The following GPC5 variants were observed in gnomAD, a reference collection of about 807,000 sequenced individuals.
GPC5 encodes glypican 5.
A neutral mutation model predicts 53.9 loss-of-function variants in GPC5; 47 were observed. That is an observed-to-expected ratio of 0.87 (90% CI 0.69 to 1.11). GPC5 has a LOEUF of 1.11. Ranked by LOEUF, GPC5 falls within the 50% of genes most tolerant of loss-of-function variation. The pLI is 0.00. For synonymous variants in GPC5, 286 were observed against 263.3 expected, an observed-to-expected ratio of 1.09 and a Z score of -0.84; for missense variants, 748 against 713.1, an observed-to-expected ratio of 1.05 and a Z score of -0.56.
chr13:91,708,401 G>A (rs1036510500), intron 3 of GPC5, among the ~76,000 whole-genome samples: 3 of 148,058 alleles, frequency 2.0e-5, no homozygotes, highest in Non-Finnish European at 3.0e-5. Context: ...ACTTTAACAC[G>A]GTTTGTGAAA....
At position 92,818,305 on chromosome 13, in the gene GPC5, T is replaced by C. The variant is rs949730837; in HGVS notation, c.1562-47977T>C. Among the ~76,000 whole-genome samples, 4 of 152,060 alleles carry C rather than the reference T, an allele frequency of 2.6e-5. 1 individual carries two copies. Among genetic ancestry groups the C allele is most frequent in the African/African-American group, 9.7e-5 (4 of 41,324 alleles). On this transcript the variant is annotated intron_variant, in intron 7 of 7. Transcript: ENST00000377067. Reference sequence around the variant, plus strand: ...CATTACAGGCGTGAGCCACCGCAACTGGCCCACATTTTGAAATTTATTCAA... The same window carrying C: ...CATTACAGGCGTGAGCCACCGCAACCGGCCCACATTTTGAAATTTATTCAA...
chr13:91,510,181 G>A (rs1176440043), intron 2 of GPC5, among the ~76,000 whole-genome samples: 2 of 151,912 alleles, frequency 1.3e-5, no homozygotes, highest in African/African-American at 2.4e-5. Flanking sequence ...TATTTCCATT[G>A]TTTAATTATA....
At chr13:92,007,407 A>C (rs2040616975) in intron 6 of GPC5, among the ~76,000 whole-genome samples, 1 of 152,178 alleles carries the variant, frequency 6.6e-6, no homozygotes, top group Non-Finnish European at 1.5e-5. Flanking sequence ...TTCTGATATT[A>C]GGTTCATACA....
At chr13:92,210,728 T>A (rs1024832585) in intron 7 of GPC5, among the ~76,000 whole-genome samples, 5 of 152,314 alleles carry the variant, frequency 3.3e-5, no homozygotes, top group African/African-American at 4.8e-5. Flanking sequence ...ACTATGTATA[T>A]GTAAGGGAAT....
chr13:92,396,394 T>C (rs978967771), intron 7 of GPC5, among the ~76,000 whole-genome samples: 2 of 152,220 alleles, frequency 1.3e-5, no homozygotes, highest in Non-Finnish European at 2.9e-5. Flanking sequence ...GTTTGCTTTT[T>C]TCATTAGTGC....
intron 4 of GPC5, among the ~76,000 whole-genome samples, chr13:91,732,301 T>G (rs940457338): frequency 1.3e-5 from 2 of 152,230 alleles, no homozygotes; most frequent in African/African-American, 4.8e-5. Context: ...TGAGGTTTTT[T>G]TCATATGTTT....
chr13:92,728,439 T>G (rs1157458724), intron 7 of GPC5, among the ~76,000 whole-genome samples: 5 of 151,434 alleles, frequency 3.3e-5, no homozygotes, highest in African/African-American at 1.2e-4. Context: ...AGCCAATACA[T>G]TATTTCCAAG....
At position 92,163,576 on chromosome 13, in the gene GPC5, A is replaced by G. The variant is rs534891021; in HGVS notation, c.1561+18587A>G. ...CCCCAACATGCAGAATATGGAGGCTATTATATAATTATTTGGGTTGATTCT... is the reference window on the plus strand; with the variant it reads ...CCCCAACATGCAGAATATGGAGGCTGTTATATAATTATTTGGGTTGATTCT... On this transcript the variant is annotated intron_variant, in intron 7 of 7. Coordinates refer to ENST00000377067, the MANE Select transcript of GPC5 (RefSeq NM_004466.6). Among the ~76,000 whole-genome samples, 4 of 152,132 alleles carry G rather than the reference A, an allele frequency of 2.6e-5. No individual in the cohort carries two copies. The South Asian group carries it at 8.3e-4, about 32-fold the overall frequency.
intron 7 of GPC5, among the ~76,000 whole-genome samples, chr13:92,637,515 G>T (rs1359792172): frequency 6.6e-6 from 1 of 152,144 alleles, no homozygotes; most frequent in Admixed American, 6.6e-5. Flanking sequence ...AAAAAACCTT[G>T]AATCAGTTAG....
chr13:92,124,853 G>T (rs915195248), intron 6 of GPC5, among the ~76,000 whole-genome samples: 3 of 152,136 alleles, frequency 2.0e-5, no homozygotes, highest in Non-Finnish European at 2.9e-5. Context: ...TGGTGGGATG[G>T]GTGGCTTCTG....
rs150115996 is a variant in GPC5 at position 91,446,250 on chromosome 13, T to A, written c.164-2511T>A. ...TTGAAAATATACAGGCATGTAGATA[T>A]CTGTAAATTTCTTATGCTAGAGAAT... On this transcript the variant is annotated intron_variant, in intron 1 of 7. Coordinates refer to ENST00000377067, the MANE Select transcript of GPC5 (RefSeq NM_004466.6). 2.0e-5 allele frequency among the ~76,000 whole-genome samples: 3 copies of A among 152,278 alleles called. No individual in the cohort carries two copies. The East Asian group carries it at 5.8e-4, about 29-fold the overall frequency.
intron 1 of GPC5, among the ~76,000 whole-genome samples, chr13:91,436,991 C>A (rs922547094): frequency 6.6e-5 from 10 of 152,124 alleles, no homozygotes; most frequent in Non-Finnish European, 1.2e-4. Context: ...TCTGTTTTAT[C>A]AGAGACTGGA....
At chr13:92,125,147 C>G (rs187546500) in intron 6 of GPC5, among the ~76,000 whole-genome samples, 10 of 152,088 alleles carry the variant, frequency 6.6e-5, no homozygotes, top group Non-Finnish European at 7.4e-5. Context: ...AAGGAACCAA[C>G]GGAGTCTATA....
intron 7 of GPC5, among the ~76,000 whole-genome samples, chr13:92,546,347 A>G (rs1315911656): frequency 1.3e-5 from 2 of 152,184 alleles, no homozygotes; most frequent in Non-Finnish European, 2.9e-5. Context: ...ATGTGCAAAA[A>G]TCACAAACAT....
chr13:91,944,791 T>G (rs539035922), intron 6 of GPC5, among the ~76,000 whole-genome samples: 6 of 152,328 alleles, frequency 3.9e-5, no homozygotes, highest in African/African-American at 1.4e-4. Flanking sequence ...CCTGCAATTA[T>G]GGGCGCTTAT....
At chr13:92,674,668 G>A (rs1245855894) in intron 7 of GPC5, among the ~76,000 whole-genome samples, 2 of 151,778 alleles carry the variant, frequency 1.3e-5, no homozygotes, top group Non-Finnish European at 2.9e-5. Context: ...TTTCTAGAAG[G>A]GCTTCATGTC....
At chr13:92,737,766 C>CTTTTTTTTTTTTTTTTTT (rs33914729) in intron 7 of GPC5, among the ~76,000 whole-genome samples, 5 of 102,126 alleles carry the variant, frequency 4.9e-5, no homozygotes, top group Non-Finnish European at 7.2e-5. Flanking sequence ...TTTTCTTTTT[C>CTTTTTTTTTTTTTTTTTT]TTTTTTTTTT....
intron 7 of GPC5, among the ~76,000 whole-genome samples, chr13:92,706,263 A>G (rs1026004355): frequency 6.6e-6 from 1 of 152,096 alleles, no homozygotes; most frequent in Non-Finnish European, 1.5e-5. Flanking sequence ...GTTATGCATA[A>G]TCCAGAAATT....
intron 2 of GPC5, among the ~76,000 whole-genome samples, chr13:91,628,288 T>C (rs1209676212): frequency 1.3e-5 from 2 of 152,114 alleles, no homozygotes; most frequent in African/African-American, 2.4e-5. Context: ...ATCACAATAG[T>C]TTATAATAAT....
Sources: allele counts gnomAD v4.1 joint callset (sites outside exome capture counted in the v4.1 genomes callset), GRCh38; gene constraint gnomAD v4.1.1; transcripts MANE v1.5; gene names NCBI Gene and HGNC (gene_info 2026-07-23, HGNC 2026-07-21).